MED13L: variants seen among roughly 807,000 people sequenced by gnomAD.
MED13L encodes mediator complex subunit 13L.
Under a neutral mutation model 220.9 loss-of-function variants are expected in MED13L, and 7 were observed. That is an observed-to-expected ratio of 0.03 (90% CI 0.02 to 0.06). MED13L has a LOEUF of 0.06. Ranked by LOEUF, MED13L falls within the 10% of genes least tolerant of loss-of-function variation. The pLI is 1.00. For missense variants in MED13L, 1,965 were observed against 2,760.5 expected, an observed-to-expected ratio of 0.71 and a Z score of 6.46; for synonymous variants, 1,011 against 1,015.2, an observed-to-expected ratio of 1.00 and a Z score of 0.08.
At chr12:116,257,821 A>T (rs1424637526) in intron 1 of MED13L, among the ~76,000 whole-genome samples, 1 of 152,180 alleles carries the variant, frequency 6.6e-6, no homozygotes, top group Non-Finnish European at 1.5e-5. Context: ...CCAGTCATCA[A>T]TCAAAACAAT....
chr12:115,977,859 G>C (rs995457615), intron 23 of MED13L, among the ~76,000 whole-genome samples: 2 of 152,112 alleles, frequency 1.3e-5, no homozygotes, highest in African/African-American at 4.8e-5. Flanking sequence ...GCGAGGCACG[G>C]TGGCACATGC....
chr12:116,234,509 C>T (rs981244010), intron 2 of MED13L, among the ~76,000 whole-genome samples: 1 of 151,932 alleles, frequency 6.6e-6, no homozygotes, highest in South Asian at 2.1e-4. Context: ...GGATTACAGG[C>T]GTGAGCCACC....
At chr12:116,229,781 T>A (rs1269686801) in intron 2 of MED13L, among the ~76,000 whole-genome samples, 1 of 152,232 alleles carries the variant, frequency 6.6e-6, no homozygotes, top group Non-Finnish European at 1.5e-5. Context: ...TTCAAGTATA[T>A]AATTACACAT....
intron 2 of MED13L, among the ~76,000 whole-genome samples, chr12:116,234,768 C>T (rs1593193350): frequency 6.6e-6 from 1 of 152,202 alleles, no homozygotes; most frequent in East Asian, 1.9e-4. Flanking sequence ...AGTGATCCTC[C>T]AGCCCCAGTC....
chr12:116,019,731 G>A (rs759086156), intron 6 of MED13L, 47 bp downstream of exon 6: 2 of 1,543,146 alleles, frequency 1.3e-6, no homozygotes, highest in East Asian at 2.3e-5. Flanking sequence ...TTAAATTAAG[G>A]AAGAGGAAGA....
intron 4 of MED13L, among the ~76,000 whole-genome samples, chr12:116,037,608 T>C (rs1031893660): frequency 1.3e-5 from 2 of 152,190 alleles, no homozygotes; most frequent in East Asian, 1.9e-4. Flanking sequence ...CAATTCTAAG[T>C]TGTTCTCTGG....
chr12:116,180,049 G>A (rs968135472), intron 2 of MED13L, among the ~76,000 whole-genome samples: 4 of 152,036 alleles, frequency 2.6e-5, no homozygotes, highest in East Asian at 1.9e-4. Context: ...GTGGTGTTTC[G>A]CATTTCAAAA....
At chr12:116,045,419 C>T (rs1881773620) in intron 4 of MED13L, among the ~76,000 whole-genome samples, 1 of 152,162 alleles carries the variant, frequency 6.6e-6, no homozygotes, top group Non-Finnish European at 1.5e-5. Context: ...CATCCTCTTG[C>T]TAGCAGAGGC....
intron 2 of MED13L, among the ~76,000 whole-genome samples, chr12:116,167,653 C>T (rs1237096061): frequency 6.6e-6 from 1 of 152,172 alleles, no homozygotes; most frequent in African/African-American, 2.4e-5. Context: ...AGAGACCTAA[C>T]TATAATTCTC....
At chr12:116,022,425 AG>A (rs764511854) in intron 5 of MED13L, 30 bp downstream of exon 5, 39 of 1,612,718 alleles carry the variant, frequency 2.4e-5, no homozygotes, top group Non-Finnish European at 3.2e-5. Context: ...GGTGGCGGAT[AG>A]GGGTGGAGAG....
At chr12:115,989,376 G>A (rs1354937582) in intron 17 of MED13L, among the ~76,000 whole-genome samples, 1 of 151,918 alleles carries the variant, frequency 6.6e-6, no homozygotes, top group Non-Finnish European at 1.5e-5. Flanking sequence ...GCTTCCAAAA[G>A]CCCCCTCTAT....
chr12:116,005,764 G>C, intron 13 of MED13L, 105 bp downstream of exon 13: 2 of 1,408,590 alleles, frequency 1.4e-6, no homozygotes, highest in East Asian at 2.3e-5. Flanking sequence ...CCTGAAATAA[G>C]AGCCCCCAAA....
intron 4 of MED13L, among the ~76,000 whole-genome samples, chr12:116,063,609 C>T (rs564074702): frequency 9.2e-5 from 14 of 152,122 alleles, no homozygotes; most frequent in Non-Finnish European, 1.8e-4. Flanking sequence ...TATGTACCTC[C>T]AAAACTGACT....
chr12:116,072,488 G>A (rs1399916235), intron 4 of MED13L, among the ~76,000 whole-genome samples: 1 of 152,064 alleles, frequency 6.6e-6, no homozygotes, highest in Non-Finnish European at 1.5e-5. Context: ...GTCTCGCTCT[G>A]CCGCCCAGGC....
intron 2 of MED13L, among the ~76,000 whole-genome samples, chr12:116,172,209 T>G (rs1041444016): frequency 6.6e-6 from 1 of 152,198 alleles, no homozygotes; most frequent in Non-Finnish European, 1.5e-5. Context: ...ACATAACTGC[T>G]TACTTCTAAT....
intron 14 of MED13L, among the ~76,000 whole-genome samples, chr12:115,998,071 A>G (rs1372693187): frequency 2.0e-5 from 3 of 152,222 alleles, no homozygotes; most frequent in African/African-American, 7.2e-5. Context: ...TATTAAAATG[A>G]AACTTCAAAG....
chr12:116,049,548 A>C (rs1882031644), intron 4 of MED13L, among the ~76,000 whole-genome samples: 1 of 152,266 alleles, frequency 6.6e-6, no homozygotes, highest in South Asian at 2.1e-4. Context: ...GTTAGGAAAA[A>C]ATAGACGAAG....
At chr12:116,025,074 C>A (rs1880306619) in intron 4 of MED13L, among the ~76,000 whole-genome samples, 1 of 152,080 alleles carries the variant, frequency 6.6e-6, no homozygotes, top group Non-Finnish European at 1.5e-5. Context: ...ATCCCCCCAC[C>A]ACTGCTTTGT....
chr12:116,015,894 CATTTT>C (rs1014406118), intron 7 of MED13L, among the ~76,000 whole-genome samples: 2 of 152,270 alleles, frequency 1.3e-5, no homozygotes, highest in Admixed American at 1.3e-4. Flanking sequence ...GTTGTCTTGA[CATTTT>C]ATTTCAGAGG....
Sources: allele counts gnomAD v4.1 joint callset (sites outside exome capture counted in the v4.1 genomes callset), GRCh38; gene constraint gnomAD v4.1.1; transcripts MANE v1.5; gene names NCBI Gene and HGNC (gene_info 2026-07-23, HGNC 2026-07-21).